The following PCDHA1 variants were observed in gnomAD, a reference collection of about 807,000 sequenced individuals.
The protein encoded by PCDHA1 is protocadherin alpha-1.
In PCDHA1, 42 loss-of-function variants were observed where a neutral mutation model predicts 61.3. The observed-to-expected ratio is 0.69, with a 90% CI of 0.54 to 0.89. The LOEUF (loss-of-function observed/expected upper bound fraction) is 0.89, where lower values mean the gene tolerates loss of function less well. Ranked by LOEUF, PCDHA1 falls within the 40% of genes least tolerant of loss-of-function variation. PCDHA1 has a pLI of 0.00. For missense variants in PCDHA1, 1,256 were observed against 1,235.3 expected (o/e 1.02, Z -0.25); for synonymous variants, 610 against 553.8 (o/e 1.10, Z -1.43).
At chr5:140,918,263 G>A (rs2078602453) in intron 1 of PCDHA1, among the ~76,000 whole-genome samples, 1 of 152,214 alleles carries the variant, frequency 6.6e-6, no homozygotes, top group East Asian at 1.9e-4. Context: ...TTTGCTGGAG[G>A]TTTTATCAGA....
intron 1 of PCDHA1, chr5:140,807,383 G>T (rs782782841): frequency 6.2e-7 from 1 of 1,602,306 alleles, no homozygotes; most frequent in African/African-American, 1.4e-5. Flanking sequence ...CCTGTTCCGG[G>T]TGGCGTCCAA....
chr5:140,876,212 A>G lies in PCDHA1; in HGVS notation c.2394+87528A>G, dbSNP rs782252921. On this transcript the variant is annotated intron_variant, in intron 1 of 3. Coordinates refer to ENST00000504120, the MANE Select transcript of PCDHA1 (RefSeq NM_018900.4). Reference sequence around the variant, plus strand: ...GGTCCGGCGTTTGATAAGCCCAGCTATAAAGTAGTGTTGTCTGAAAATGTC... The same window carrying G: ...GGTCCGGCGTTTGATAAGCCCAGCTGTAAAGTAGTGTTGTCTGAAAATGTC... 5.6e-6 allele frequency: 9 copies of G among 1,613,994 alleles called. No individual in the cohort carries two copies. In the East Asian group the frequency reaches 2.0e-4, roughly 36 times the overall value.
chr5:140,789,120 A>T (rs904308445), intron 1 of PCDHA1, among the ~76,000 whole-genome samples: 1 of 152,250 alleles, frequency 6.6e-6, no homozygotes, highest in Non-Finnish European at 1.5e-5. Context: ...TTTCAAAGTG[A>T]ACAATAAACT....
Position 140,886,416 on chromosome 5 carries a change from A to T in PCDHA1, c.2395-92533A>T, listed in dbSNP as rs184712902. Among the ~76,000 whole-genome samples, 13 of 152,286 alleles carry T rather than the reference A, an allele frequency of 8.5e-5. No homozygotes were observed. The East Asian group carries it at 2.5e-3, about 29-fold the overall frequency. ...TGCATCACAAATATGTTTTCCTCCT[A>T]TATTATTTCTATTCATTTGTTTGTA... is the stretch of plus-strand genomic sequence containing the variant. On this transcript the variant is annotated intron_variant, in intron 1 of 3. Transcript: ENST00000504120.
intron 1 of PCDHA1, chr5:140,861,620 A>G: frequency 2.9e-6 from 1 of 340,898 alleles, no homozygotes; most frequent in South Asian, 2.8e-5. Context: ...ACAACCTGCC[A>G]GTGTTCTCAG....
chr5:140,973,384 CAAAG>C (rs1250756648), intron 1 of PCDHA1, among the ~76,000 whole-genome samples: 4 of 152,194 alleles, frequency 2.6e-5, no homozygotes, highest in Non-Finnish European at 5.9e-5. Context: ...TCAGAATAGA[CAAAG>C]AAATCATATC....
At chr5:140,907,179 G>A (rs1257591299) in intron 1 of PCDHA1, among the ~76,000 whole-genome samples, 2 of 152,160 alleles carry the variant, frequency 1.3e-5, no homozygotes, top group Non-Finnish European at 2.9e-5. Flanking sequence ...CTGATTCAGA[G>A]CATACACAAC....
chr5:140,939,466 AT>A (rs1364092543), intron 1 of PCDHA1, among the ~76,000 whole-genome samples: 31 of 152,168 alleles, frequency 2.0e-4, no homozygotes, highest in African/African-American at 7.5e-4. Flanking sequence ...TAGGCCTAGA[AT>A]TCTCTTCATG....
chr5:140,803,046 G>A lies in PCDHA1; in HGVS notation c.2394+14362G>A, dbSNP rs1554122549. On this transcript the variant is annotated intron_variant, in intron 1 of 3. Transcript: ENST00000504120. Reference sequence around the variant, plus strand: ...GTATGAGCTGCAGCCTGGGACCGGCGGTGCGCGCATCCCGTTTCGCGTGGG... The same window carrying A: ...GTATGAGCTGCAGCCTGGGACCGGCAGTGCGCGCATCCCGTTTCGCGTGGG... 3.1e-6 allele frequency: 5 copies of A among 1,614,006 alleles called. No homozygotes were observed. The Admixed American group carries it at 6.7e-5, about 22-fold the overall frequency.
chr5:140,808,107 A>G (rs145409201), intron 1 of PCDHA1: 21,957 of 1,613,848 alleles, frequency 0.014, 186 homozygotes, highest in South Asian at 0.027. Context: ...GTAAAGGGAT[A>G]TATTGACTTT....
chr5:140,803,700 A>G, intron 1 of PCDHA1: 1 of 1,533,366 alleles, frequency 6.5e-7, no homozygotes. Context: ...TGTGATTCAT[A>G]ATTAGACTTT....
At chr5:140,829,185 T>C (rs2150163611) in intron 1 of PCDHA1, 3 of 1,614,194 alleles carry the variant, frequency 1.9e-6, no homozygotes, top group East Asian at 2.2e-5. Flanking sequence ...GACGCTCAAT[T>C]TGGTACTGTC....
rs782242399 is a variant in PCDHA1 at position 140,786,840 on chromosome 5, G to T, written c.550G>T (p.Ala184Ser). 1 of 1,614,174 alleles carries T rather than the reference G, an allele frequency of 6.2e-7. No individual in the cohort carries two copies. The highest frequency in any genetic ancestry group is 2.2e-5 in the East Asian group (1 of 44,888). ...TGATTATTTCTCTTTGGATGTAGAG[G>T]CAAGTGATGAACTGAGTAAATCTCT... ...PSDYFSLDVE[A>S]SDELSKSLWL... The change falls in exon 1 of 4, where the codon GCA becomes TCA. Residue 184 changes from alanine to serine, a missense_variant. By Grantham distance (99) the Ala-to-Ser change is moderately conservative (BLOSUM62 1). Coordinates refer to ENST00000504120, the MANE Select transcript of PCDHA1 (RefSeq NM_018900.4).
rs1162515573 is a variant in PCDHA1, at chr5:140,941,250, T to C, written c.2395-37699T>C. 3.6e-5 allele frequency among the ~76,000 whole-genome samples: 5 copies of C among 139,366 alleles called. No homozygotes were observed. In the East Asian group the frequency reaches 1.0e-3, roughly 29 times the overall value. 91.4% of individuals were successfully genotyped at this position (139,366 alleles called of 152,430 possible). A position where few individuals can be genotyped will look rare whatever the true frequency, so the allele number is the denominator to read the frequency against. ...TTCTTTCTTTCTTTCTTTCTTTCTT[T>C]CTTTCTCTTTCTTTCTTTCTTTCCT... is the stretch of plus-strand genomic sequence containing the variant. On this transcript the variant is annotated intron_variant, in intron 1 of 3. Coordinates refer to ENST00000504120, the MANE Select transcript of PCDHA1 (RefSeq NM_018900.4).
Position 140,836,245 on chromosome 5 carries a change from C to G in PCDHA1, c.2394+47561C>G, listed in dbSNP as rs199869403. ...CCGGTGGCGGCCGGTGCGAGCATCCCGTTCCGCGTGGGGCTGTACACTGGT... is the reference window on the plus strand; with the variant it reads ...CCGGTGGCGGCCGGTGCGAGCATCCGGTTCCGCGTGGGGCTGTACACTGGT... On this transcript the variant is annotated intron_variant, in intron 1 of 3. Coordinates refer to ENST00000504120, the MANE Select transcript of PCDHA1 (RefSeq NM_018900.4). 11 of 1,613,768 alleles carry G rather than the reference C, an allele frequency of 6.8e-6. No individual in the cohort carries two copies. The Admixed American group carries it at 1.0e-4, about 15-fold the overall frequency.
At chr5:140,824,132 G>A in intron 1 of PCDHA1, 1 of 1,613,590 alleles carries the variant, frequency 6.2e-7, no homozygotes, top group Non-Finnish European at 8.5e-7. Context: ...GACAACGTGA[G>A]TTTTCTAATA....
rs149975240 is a variant in PCDHA1, at chr5:140,822,914, C to T, written c.2394+34230C>T. On this transcript the variant is annotated intron_variant, in intron 1 of 3. Transcript: ENST00000504120. ...AGCGTGTCTGACCGTGACTCAGGTGCCAACGGGCAGGTGACCTGCTCCCTA... is the reference window on the plus strand; with the variant it reads ...AGCGTGTCTGACCGTGACTCAGGTGTCAACGGGCAGGTGACCTGCTCCCTA... 3,249 of 1,614,244 alleles carry T rather than the reference C, an allele frequency of 2.0e-3. 9 individuals carry two copies. Among genetic ancestry groups the T allele is most frequent in the Non-Finnish European group, 2.0e-3 (2,332 of 1,180,052 alleles).
At chr5:140,947,767 C>A (rs1585277827) in intron 1 of PCDHA1, among the ~76,000 whole-genome samples, 1 of 151,486 alleles carries the variant, frequency 6.6e-6, no homozygotes, top group East Asian at 1.9e-4. Context: ...TTAAAAAATT[C>A]TATTGTAAAT....
Position 140,946,375 on chromosome 5 carries a change from G to A in PCDHA1, c.2395-32574G>A, listed in dbSNP as rs531638250. Among the ~76,000 whole-genome samples, 14 of 151,710 alleles carry A rather than the reference G, an allele frequency of 9.2e-5. No homozygotes were observed. In the South Asian group the frequency reaches 2.9e-3, roughly 32 times the overall value. On this transcript the variant is annotated intron_variant, in intron 1 of 3. Transcript: ENST00000504120. ...TGGAGAAAAGGGAACTCTTGCACACGGTTGGTAGGAATGTAAATTAGTACA... is the reference window on the plus strand; with the variant it reads ...TGGAGAAAAGGGAACTCTTGCACACAGTTGGTAGGAATGTAAATTAGTACA...
Sources: allele counts gnomAD v4.1 joint callset (sites outside exome capture counted in the v4.1 genomes callset), GRCh38; gene constraint gnomAD v4.1.1; transcripts MANE v1.5; gene names NCBI Gene and HGNC (gene_info 2026-07-23, HGNC 2026-07-21).